Variants in DPP10 observed in about 807,000 individuals in gnomAD.
The protein encoded by DPP10 is inactive dipeptidyl peptidase 10.
Under a neutral mutation model 120.9 loss-of-function variants are expected in DPP10, and 33 were observed. That is an observed-to-expected ratio of 0.27 (90% CI 0.21 to 0.37). The LOEUF is 0.37. Among genes scored for constraint, DPP10 ranks in the 10% least tolerant of loss-of-function variants. The probability of loss-of-function intolerance (pLI) is 1.00; values close to 1 mark genes in which losing one functional copy is unlikely to be tolerated. For synonymous variants in DPP10, 337 were observed against 326.1 expected (o/e 1.03, Z -0.36); for missense variants, 816 against 942.8 (o/e 0.87, Z 1.76).
intron 1 of DPP10, among the ~76,000 whole-genome samples, chr2:115,055,701 G>A (rs6709267): frequency 0.35 from 53,660 of 151,934 alleles, 9,894 homozygotes; most frequent in South Asian, 0.52. Flanking sequence ...CTGGTAGAAC[G>A]GGCATCATTT....
At chr2:114,836,966 C>CT (rs1275673073) in intron 1 of DPP10, among the ~76,000 whole-genome samples, 1 of 152,204 alleles carries the variant, frequency 6.6e-6, no homozygotes, top group African/African-American at 2.4e-5. Flanking sequence ...GGTTATCTCT[C>CT]TTGTTCCCTG....
At chr2:115,301,829 T>C (rs1298842880) in intron 1 of DPP10, among the ~76,000 whole-genome samples, 1 of 152,044 alleles carries the variant, frequency 6.6e-6, no homozygotes, top group African/African-American at 2.4e-5. Context: ...GACCTCTAAA[T>C]CGTGATGCTA....
In DPP10 at chr2:115,522,138, C is replaced by G. The variant is rs568704458; in HGVS notation, c.367-3760C>G. Among the ~76,000 whole-genome samples, 10 of 152,198 alleles carry G rather than the reference C, an allele frequency of 6.6e-5. No homozygotes were observed. In the South Asian group the frequency reaches 1.9e-3, roughly 28 times the overall value. On this transcript the variant is annotated intron_variant, in intron 4 of 25. Transcript: ENST00000410059. ...TTTTTTGAAAAAAATGGAAAACTAG[C>G]AATACTGTGTATTTTTCTATAGGAC...
chr2:114,837,667 C>T (rs1687849795), intron 1 of DPP10, among the ~76,000 whole-genome samples: 1 of 152,110 alleles, frequency 6.6e-6, no homozygotes, highest in South Asian at 2.1e-4. Flanking sequence ...TTAGGCTCAT[C>T]TATGCTGTAG....
At chr2:115,163,891 C>T (rs1198463265) in intron 1 of DPP10, among the ~76,000 whole-genome samples, 1 of 152,054 alleles carries the variant, frequency 6.6e-6, no homozygotes, top group Middle Eastern at 3.4e-3. Flanking sequence ...ATAGTGGACA[C>T]GCTGTCTATA....
intron 5 of DPP10, among the ~76,000 whole-genome samples, chr2:115,607,878 GA>G (rs1177683872): frequency 6.6e-6 from 1 of 152,180 alleles, no homozygotes; most frequent in Non-Finnish European, 1.5e-5. Context: ...GTAGAAACCA[GA>G]GAATGATTAA....
At chr2:115,306,861 C>G (rs2061377759) in intron 1 of DPP10, among the ~76,000 whole-genome samples, 1 of 152,098 alleles carries the variant, frequency 6.6e-6, no homozygotes, top group African/African-American at 2.4e-5. Flanking sequence ...GATAGCATTA[C>G]TGAATTCCAC....
chr2:115,369,838 A>G (rs181226878), intron 3 of DPP10, among the ~76,000 whole-genome samples: 4 of 152,258 alleles, frequency 2.6e-5, no homozygotes, highest in Non-Finnish European at 5.9e-5. Flanking sequence ...CTATGATTCA[A>G]TTTATTGGCT....
intron 1 of DPP10, among the ~76,000 whole-genome samples, chr2:114,530,638 T>C (rs1206497568): frequency 6.6e-6 from 1 of 152,114 alleles, no homozygotes; most frequent in Non-Finnish European, 1.5e-5. Flanking sequence ...TCAAATGCCC[T>C]CCAGGGTTCC....
At position 115,140,537 on chromosome 2, in the gene DPP10, C is replaced by G. The variant is rs370274996; in HGVS notation, c.61-168702C>G. 2.5e-4 allele frequency among the ~76,000 whole-genome samples: 38 copies of G among 152,282 alleles called. No individual in the cohort carries two copies. In the East Asian group the frequency reaches 6.4e-3, roughly 26 times the overall value. ...AGTAGAGTGATGTGATCTGGTTTCT[C>G]TTTTAAATAGCTTATTTTAGCTACT... On this transcript the variant is annotated intron_variant, in intron 1 of 25. Coordinates refer to ENST00000410059, the MANE Select transcript of DPP10 (RefSeq NM_020868.6).
chr2:114,845,312 A>G (rs541698889), intron 1 of DPP10, among the ~76,000 whole-genome samples: 28 of 152,306 alleles, frequency 1.8e-4, no homozygotes, highest in East Asian at 5.8e-4. Flanking sequence ...TTGCATGATT[A>G]CTTCATAATA....
intron 1 of DPP10, among the ~76,000 whole-genome samples, chr2:115,033,484 C>G (rs1268594719): frequency 6.6e-6 from 1 of 152,142 alleles, no homozygotes; most frequent in African/African-American, 2.4e-5. Flanking sequence ...TACCCTCCAG[C>G]TCCAACTCCT....
chr2:115,523,210 T>C (rs1273189050), intron 4 of DPP10, among the ~76,000 whole-genome samples: 3 of 151,914 alleles, frequency 2.0e-5, no homozygotes, highest in African/African-American at 7.3e-5. Context: ...GAGGGATAAT[T>C]AATAAAGTGC....
At chr2:115,364,507 A>G (rs1013061375) in intron 3 of DPP10, among the ~76,000 whole-genome samples, 2 of 151,994 alleles carry the variant, frequency 1.3e-5, no homozygotes, top group African/African-American at 4.8e-5. Flanking sequence ...TCTTTTTTAC[A>G]TGATACTAAT....
chr2:114,938,391 G>A (rs181907508), intron 1 of DPP10, among the ~76,000 whole-genome samples: 6 of 151,930 alleles, frequency 3.9e-5, no homozygotes, highest in South Asian at 4.2e-4. Context: ...TTTTATATAC[G>A]CCACTGGTCA....
chr2:115,495,844 T>C (rs2076368861), intron 3 of DPP10, among the ~76,000 whole-genome samples: 1 of 152,130 alleles, frequency 6.6e-6, no homozygotes, highest in Admixed American at 6.6e-5. Context: ...CTCTTAACTG[T>C]CAAAGAGTTA....
intron 1 of DPP10, among the ~76,000 whole-genome samples, chr2:114,539,053 C>G (rs1171981229): frequency 6.6e-6 from 1 of 152,004 alleles, no homozygotes; most frequent in Non-Finnish European, 1.5e-5. Context: ...CTTTGATCTT[C>G]TTGCTTCTAC....
intron 1 of DPP10, among the ~76,000 whole-genome samples, chr2:115,166,739 A>G (rs534705288): frequency 6.6e-6 from 1 of 151,944 alleles, no homozygotes; most frequent in East Asian, 1.9e-4. Context: ...AGAAAATTGT[A>G]TTATTAAATA....
At chr2:115,634,757 T>G (rs1357267496) in intron 5 of DPP10, among the ~76,000 whole-genome samples, 2 of 152,180 alleles carry the variant, frequency 1.3e-5, no homozygotes, top group Non-Finnish European at 2.9e-5. Context: ...AGGTGCACTG[T>G]GCTGGGAGGA....
Sources: allele counts gnomAD v4.1 joint callset (sites outside exome capture counted in the v4.1 genomes callset), GRCh38; gene constraint gnomAD v4.1.1; transcripts MANE v1.5; gene names NCBI Gene and HGNC (gene_info 2026-07-23, HGNC 2026-07-21).